ST6GALNAC5: variants seen among roughly 807,000 people sequenced by gnomAD.
The protein encoded by ST6GALNAC5 is ST6 N-acetylgalactosaminide alpha-2,6-sialyltransferase 5.
Under a neutral mutation model 33.6 loss-of-function variants are expected in ST6GALNAC5, and 27 were observed. The observed-to-expected ratio is 0.80, with a 90% confidence interval of 0.59 to 1.11. The LOEUF (loss-of-function observed/expected upper bound fraction) is 1.11. Ranked by LOEUF, ST6GALNAC5 falls within the 50% of genes least tolerant of loss-of-function variation. The pLI is 0.00. For missense variants in ST6GALNAC5, 428 were observed against 454.0 expected, an observed-to-expected ratio of 0.94 and a Z score of 0.52; for synonymous variants, 194 against 171.2, an observed-to-expected ratio of 1.13 and a Z score of -1.04.
chr1:76,943,580 A>G (rs1312149748), intron 2 of ST6GALNAC5, among the ~76,000 whole-genome samples: 1 of 152,062 alleles, frequency 6.6e-6, no homozygotes, highest in East Asian at 1.9e-4. Context: ...CTCTCCAAAC[A>G]AGCCTCCCAT....
chr1:76,889,019 C>T (rs979676478), intron 2 of ST6GALNAC5, among the ~76,000 whole-genome samples: 3 of 152,168 alleles, frequency 2.0e-5, no homozygotes, highest in Middle Eastern at 3.4e-3. Context: ...ATTTATTCCT[C>T]CTGTCTAATT....
rs74092215 is a variant in ST6GALNAC5, at chr1:76,903,779, T to C, written c.261+35037T>C. Reference sequence around the variant, plus strand: ...ACAATAAGAAGGAAACTTGAAACCATGAAACTATTAAGCTAAGTTAAATAA... The same window carrying C: ...ACAATAAGAAGGAAACTTGAAACCACGAAACTATTAAGCTAAGTTAAATAA... On this transcript the variant is annotated intron_variant, in intron 2 of 4. Coordinates refer to ENST00000477717, the MANE Select transcript of ST6GALNAC5 (RefSeq NM_030965.3). Among the ~76,000 whole-genome samples the C allele has an allele frequency of 3.2e-3, 485 of 152,222 alleles. 3 individuals are homozygous for C. The highest frequency in any genetic ancestry group is 0.011 in the African/African-American group (466 of 41,542).
intron 2 of ST6GALNAC5, among the ~76,000 whole-genome samples, chr1:76,998,652 A>G (rs1650030467): frequency 6.6e-6 from 1 of 152,242 alleles, no homozygotes; most frequent in South Asian, 2.1e-4. Context: ...TAGAACTTAC[A>G]TTTTTTTAAG....
At chr1:76,876,177 A>G (rs978873688) in intron 2 of ST6GALNAC5, among the ~76,000 whole-genome samples, 1 of 152,176 alleles carries the variant, frequency 6.6e-6, no homozygotes, top group African/African-American at 2.4e-5. Flanking sequence ...GTCCAATATA[A>G]TCAACCTGCC....
chr1:76,868,258 G>A lies in ST6GALNAC5; in HGVS notation c.16-239G>A, dbSNP rs1653396635. 6.6e-6 allele frequency among the ~76,000 whole-genome samples: 1 copy of A among 151,946 alleles called. No individual in the cohort carries two copies. Among genetic ancestry groups the A allele is most frequent in the Admixed American group, 6.5e-5 (1 of 15,284 alleles). On this transcript the variant is annotated intron_variant, in intron 1 of 4. Coordinates refer to ENST00000477717, the MANE Select transcript of ST6GALNAC5 (RefSeq NM_030965.3). This position sits in a 1 kb window ranked among gnomAD's most constrained non-coding sequence, Gnocchi z 4.3. ...CTCAGCCCGGGGCCGTACACCACCT[G>A]CCCTCTACCGAGAGATCTGGGCGGC... is the stretch of plus-strand genomic sequence containing the variant.
chr1:77,049,062 A>G (rs1652123610), intron 3 of ST6GALNAC5, among the ~76,000 whole-genome samples: 1 of 152,192 alleles, frequency 6.6e-6, no homozygotes, highest in Non-Finnish European at 1.5e-5. Flanking sequence ...AGTTGAAGCC[A>G]TGATCCCCAG....
chr1:77,040,749 C>T lies in ST6GALNAC5; in HGVS notation c.262-3455C>T, dbSNP rs181916910. Among the ~76,000 whole-genome samples the T allele has an allele frequency of 1.3e-4, 20 of 152,228 alleles. No homozygotes were observed. The East Asian group carries it at 1.7e-3, about 13-fold the overall frequency. Reference sequence around the variant, plus strand: ...ACTACAGTAAAATTACAGATCCAACCGGAAAATTCAGGATAATTCTAGGTG... The same window carrying T: ...ACTACAGTAAAATTACAGATCCAACTGGAAAATTCAGGATAATTCTAGGTG... On this transcript the variant is annotated intron_variant, in intron 2 of 4. Transcript: ENST00000477717.
chr1:76,910,684 AT>A (rs796711484), intron 2 of ST6GALNAC5, among the ~76,000 whole-genome samples: 6 of 152,188 alleles, frequency 3.9e-5, no homozygotes, highest in African/African-American at 1.4e-4. Flanking sequence ...TTGAATAAGC[AT>A]TTATTAATAC....
rs952003223 is a variant in ST6GALNAC5, at chr1:76,868,267, C to A, written c.16-230C>A. Among the ~76,000 whole-genome samples the A allele has an allele frequency of 1.1e-4, 16 of 152,214 alleles. No individual in the cohort carries two copies. The highest frequency in any genetic ancestry group is 2.9e-5 in the Non-Finnish European group (2 of 67,996). ...GGGCCGTACACCACCTGCCCTCTAC[C>A]GAGAGATCTGGGCGGCGGCGGCCGA... On this transcript the variant is annotated intron_variant, in intron 1 of 4. Transcript: ENST00000477717. This position sits in a 1 kb window ranked among gnomAD's most constrained non-coding sequence, Gnocchi z 4.3.
rs768015430 is a variant in ST6GALNAC5, at chr1:77,062,996, A to T, written c.801A>T (p.Val267=). The change falls in exon 5 of 5, where the codon GTA becomes GTT. Residue 267 remains valine, a synonymous_variant. Transcript: ENST00000477717. ...ACAGGGATCCCAATCACCCTTCAGT[A>T]CCTTATCATTATTATGAACCTTTTG... ...DFCRDPNHPS[V]PYHYYEPFGP... is the part of the protein sequence containing the mutation. 9.3e-6 allele frequency: 15 copies of T among 1,613,866 alleles called. No homozygotes were observed. Among genetic ancestry groups the T allele is most frequent in the Non-Finnish European group, 1.3e-5 (15 of 1,179,840 alleles).
intron 2 of ST6GALNAC5, among the ~76,000 whole-genome samples, chr1:76,930,091 G>A (rs960294484): frequency 6.6e-6 from 1 of 152,144 alleles, no homozygotes; most frequent in African/African-American, 2.4e-5. Context: ...ATAGAGTGAG[G>A]CACAGCATAG....
chr1:76,917,926 T>C lies in ST6GALNAC5; in HGVS notation c.261+49184T>C, dbSNP rs116633310. ...ACTGGGACTTTTGGTGCTATTCAGGTCTTCAACTGATTGGATGGGGCCCAC... is the reference window on the plus strand; with the variant it reads ...ACTGGGACTTTTGGTGCTATTCAGGCCTTCAACTGATTGGATGGGGCCCAC... On this transcript the variant is annotated intron_variant, in intron 2 of 4. Transcript: ENST00000477717. Among the ~76,000 whole-genome samples, 1,437 of 152,196 alleles carry C rather than the reference T, an allele frequency of 9.4e-3. 7 individuals are homozygous for C. Among genetic ancestry groups the C allele is most frequent in the Non-Finnish European group, 0.016 (1,065 of 67,992 alleles).
chr1:77,056,301 A>G (rs189163553), intron 4 of ST6GALNAC5, among the ~76,000 whole-genome samples: 1 of 152,348 alleles, frequency 6.6e-6, no homozygotes, highest in Admixed American at 6.5e-5. Context: ...AAACTAAGTT[A>G]TGCTAAGTAT....
chr1:77,006,866 G>C (rs186460295), intron 2 of ST6GALNAC5, among the ~76,000 whole-genome samples: 67 of 152,204 alleles, frequency 4.4e-4, no homozygotes, highest in Admixed American at 3.7e-3. Context: ...TTTGGGTGCT[G>C]GCTGTTCTCA....
At chr1:76,965,219 C>T (rs544701935) in intron 2 of ST6GALNAC5, among the ~76,000 whole-genome samples, 1 of 150,468 alleles carries the variant, frequency 6.6e-6, no homozygotes, top group East Asian at 1.9e-4. Context: ...TTTACCACCC[C>T]CCCCACCAAC....
chr1:76,940,115 C>T (rs1408038315), intron 2 of ST6GALNAC5, among the ~76,000 whole-genome samples: 1 of 149,052 alleles, frequency 6.7e-6, no homozygotes, highest in Non-Finnish European at 1.5e-5. Flanking sequence ...TGAGGCCTAA[C>T]AAAATTAGCA....
chr1:76,956,584 A>G (rs1340971240), intron 2 of ST6GALNAC5, among the ~76,000 whole-genome samples: 1 of 152,064 alleles, frequency 6.6e-6, no homozygotes, highest in Non-Finnish European at 1.5e-5. Context: ...TGTCTCACTC[A>G]TGGCCCAATA....
chr1:76,957,572 C>T (rs549313726), intron 2 of ST6GALNAC5, among the ~76,000 whole-genome samples: 1 of 152,084 alleles, frequency 6.6e-6, no homozygotes, highest in Non-Finnish European at 1.5e-5. Flanking sequence ...TTGACACATT[C>T]GTTTTATTTT....
At chr1:77,003,411 A>T (rs2100413495) in intron 2 of ST6GALNAC5, among the ~76,000 whole-genome samples, 1 of 150,018 alleles carries the variant, frequency 6.7e-6, no homozygotes, top group East Asian at 2.0e-4. Context: ...GGTTTCCTGA[A>T]TACAGCACAC....
Sources: gnomAD v4.1 joint callset for allele counts (sites outside exome capture counted in the v4.1 genomes callset) on GRCh38, gnomAD v4.1.1 for gene constraint, Gnocchi (gnomAD v3.1) non-coding constraint, MANE v1.5 for transcripts, NCBI Gene and HGNC (gene_info 2026-07-23, HGNC 2026-07-21) for gene names.